Variants in SMC1B observed in about 807,000 individuals in gnomAD.
SMC1B encodes the protein structural maintenance of chromosomes protein 1B.
Under a neutral mutation model 157.9 loss-of-function variants are expected in SMC1B, and 60 were observed. That is an observed-to-expected ratio of 0.38 (90% CI 0.31 to 0.47). The LOEUF (loss-of-function observed/expected upper bound fraction) is 0.47, where lower values mean the gene tolerates loss of function less well. SMC1B is among the 20% of genes least tolerant of loss of function. The pLI is 0.99. For synonymous variants in SMC1B, 445 were observed against 483.0 expected (o/e 0.92, Z 1.03); for missense variants, 1,165 against 1,426.2 (o/e 0.82, Z 2.95).
intron 22 of SMC1B, among the ~76,000 whole-genome samples, chr22:45,350,854 G>A (rs2086608562): frequency 6.6e-6 from 1 of 152,136 alleles, no homozygotes; most frequent in Non-Finnish European, 1.5e-5. Context: ...CCTTGGCCCA[G>A]TCACCATCGC....
intron 19 of SMC1B, among the ~76,000 whole-genome samples, chr22:45,356,026 C>T (rs2086666615): frequency 6.6e-6 from 1 of 152,176 alleles, no homozygotes; most frequent in Non-Finnish European, 1.5e-5. Context: ...GCCGAGATTG[C>T]ACCACTGCAC....
intron 2 of SMC1B, among the ~76,000 whole-genome samples, chr22:45,408,114 CTCCT>C (rs1407819490): frequency 6.6e-6 from 1 of 151,262 alleles, no homozygotes; most frequent in African/African-American, 2.4e-5. Context: ...CTTCAAGGTA[CTCCT>C]TCCTTCATCT....
chr22:45,382,188 C>T (rs893608398), intron 12 of SMC1B, among the ~76,000 whole-genome samples: 4 of 152,080 alleles, frequency 2.6e-5, no homozygotes, highest in African/African-American at 9.7e-5. Flanking sequence ...ATAACACATC[C>T]TAAAATCCAG....
intron 14 of SMC1B, 79 bp downstream of exon 14, chr22:45,371,392 A>G: frequency 3.5e-6 from 5 of 1,431,312 alleles, no homozygotes; most frequent in Non-Finnish European, 4.6e-6. Context: ...TTGCTTTAGC[A>G]TATATTTAAG....
At chr22:45,366,126 C>A (rs2086773589) in intron 15 of SMC1B, among the ~76,000 whole-genome samples, 1 of 152,134 alleles carries the variant, frequency 6.6e-6, no homozygotes, top group African/African-American at 2.4e-5. Flanking sequence ...CAGGTTCAAG[C>A]AATTCTCTTG....
In SMC1B at chr22:45,383,705, CAT is replaced by C. The variant is rs2086961835; in HGVS notation, c.1912-94_1912-93del. On this transcript the variant is annotated intron_variant, in intron 11 of 24. Coordinates refer to ENST00000357450, the MANE Select transcript of SMC1B (RefSeq NM_148674.5). ...TCAATTTTTAAAGCTAAGAATAAAA[CAT>C]ATGAGAAAAGCCACTTACTGAACTT... 4.4e-6 allele frequency: 5 copies of C among 1,145,294 alleles called. No individual in the cohort carries two copies. The Admixed American group carries it at 8.9e-5, about 20-fold the overall frequency. The allele number at this position is 1,145,294 out of a possible 1,614,324, so 70.9% of individuals were successfully genotyped here.
intron 11 of SMC1B, among the ~76,000 whole-genome samples, chr22:45,384,597 G>A (rs1402690132): frequency 3.3e-5 from 5 of 151,934 alleles, no homozygotes; most frequent in African/African-American, 1.2e-4. Flanking sequence ...GTGGGCACCT[G>A]TAATCCCAGC....
At chr22:45,372,993 G>T (rs570266120) in intron 12 of SMC1B, among the ~76,000 whole-genome samples, 1 of 151,926 alleles carries the variant, frequency 6.6e-6, no homozygotes, top group East Asian at 1.9e-4. Context: ...GATTACAGGC[G>T]TGAGCCACCG....
rs907466752 is a variant in SMC1B at position 45,389,981 on chromosome 22, G to C, written c.1546-84C>G. The C allele has an allele frequency of 7.6e-6, 9 of 1,178,214 alleles. No individual in the cohort carries two copies. In the Admixed American group the frequency reaches 2.2e-4, roughly 28 times the overall value. The allele number at this position is 1,178,214 out of a possible 1,614,324, so 73.0% of individuals were successfully genotyped here. A position where few individuals can be genotyped will look rare whatever the true frequency, so the allele number is the denominator to read the frequency against. ...CATTATTTTCTAATGTAACAAAGTAGCGCAGACAAAAACTAATTTTATAAA... is the reference window on the plus strand; with the variant it reads ...CATTATTTTCTAATGTAACAAAGTACCGCAGACAAAAACTAATTTTATAAA... On this transcript the variant is annotated intron_variant, in intron 9 of 24. Coordinates refer to ENST00000357450, the MANE Select transcript of SMC1B (RefSeq NM_148674.5).
chr22:45,402,288 A>AGG, intron 5 of SMC1B, 45 bp downstream of exon 5: 1 of 1,256,002 alleles, frequency 8.0e-7, no homozygotes, highest in South Asian at 1.3e-5. Context: ...CCCTCTATCA[A>AGG]GCTACATATA....
At chr22:45,378,401 A>C (rs2086903480) in intron 12 of SMC1B, among the ~76,000 whole-genome samples, 2 of 152,186 alleles carry the variant, frequency 1.3e-5, no homozygotes, top group Non-Finnish European at 2.9e-5. Flanking sequence ...GCATATGATC[A>C]ATTTTCATAA....
chr22:45,383,538 C>A lies in SMC1B; in HGVS notation c.1987G>T (p.Ala663Ser). 6.2e-7 allele frequency: 1 copy of A among 1,610,600 alleles called. No homozygotes were observed. Among genetic ancestry groups the A allele is most frequent in the South Asian group, 1.1e-5 (1 of 90,646 alleles). The change falls in exon 12 of 25, where the codon GCT becomes TCT. Residue 663 changes from alanine (A) to serine (S), a missense_variant. Ala to Ser is a moderately conservative substitution (Grantham distance 99). Transcript: ENST00000357450. ...SGGSSDLKYK[A>S]RCWDEKELKN... ...AACTCTTTCTCATCCCAGCATCTAG[C>A]CTTGTATTTTAAGTCACTTGACCCT...
intron 6 of SMC1B, 109 bp downstream of exon 6, chr22:45,398,986 G>A (rs923999334): frequency 9.3e-7 from 1 of 1,075,528 alleles, no homozygotes; most frequent in East Asian, 2.4e-5. Flanking sequence ...AATTTACATT[G>A]AGGATAATCT....
chr22:45,372,324 A>G, intron 12 of SMC1B, 32 bp from the exon 13 acceptor site: 1 of 1,552,526 alleles, frequency 6.4e-7, no homozygotes, highest in Non-Finnish European at 8.7e-7. Context: ...AGAATATTTT[A>G]TGATAGAAAA....
intron 18 of SMC1B, 34 bp from the exon 19 acceptor site, chr22:45,358,829 T>G: frequency 6.6e-7 from 1 of 1,521,652 alleles, no homozygotes; most frequent in Middle Eastern, 1.7e-4. Flanking sequence ...ATTTGTTGAT[T>G]AAGTTTGTTG....
At chr22:45,353,117 A>T (rs1390537060) in intron 21 of SMC1B, among the ~76,000 whole-genome samples, 1 of 152,036 alleles carries the variant, frequency 6.6e-6, no homozygotes, top group African/African-American at 2.4e-5. Context: ...CAAAAAATAC[A>T]AAAATTAGCC....
At position 45,375,893 on chromosome 22, in the gene SMC1B, T is replaced by G. The variant is rs11913661; in HGVS notation, c.2059-3601A>C. On this transcript the variant is annotated intron_variant, in intron 12 of 24. Transcript: ENST00000357450. Reference sequence around the variant, plus strand: ...GAAGTCAGTTTTTAGTTTTATTTTTTGTACTATATATTTTATATTAAAGTT... The same window carrying G: ...GAAGTCAGTTTTTAGTTTTATTTTTGGTACTATATATTTTATATTAAAGTT... 7.4e-3 allele frequency among the ~76,000 whole-genome samples: 1,133 copies of G among 152,268 alleles called. 16 individuals are homozygous for G. The highest frequency in any genetic ancestry group is 0.026 in the African/African-American group (1,076 of 41,542).
chr22:45,410,795 G>A (rs2087323729), intron 1 of SMC1B, among the ~76,000 whole-genome samples: 4 of 152,098 alleles, frequency 2.6e-5, no homozygotes, highest in Admixed American at 2.6e-4. Flanking sequence ...CCGGAAATAT[G>A]GCTTAGTTTT....
chr22:45,399,470 G>C (rs544648826), intron 5 of SMC1B, 117 bp from the exon 6 acceptor site: 29 of 991,858 alleles, frequency 2.9e-5, no homozygotes, highest in Non-Finnish European at 4.2e-5. Flanking sequence ...AACTTTCAGA[G>C]ACTGTAAGCA....
Sources: allele counts gnomAD v4.1 joint callset (sites outside exome capture counted in the v4.1 genomes callset), GRCh38; gene constraint gnomAD v4.1.1; transcripts MANE v1.5; gene names NCBI Gene and HGNC (gene_info 2026-07-23, HGNC 2026-07-21).